Variants in GRM7 observed in about 807,000 individuals in gnomAD.
GRM7 encodes the protein metabotropic glutamate receptor 7.
A neutral mutation model predicts 84.5 loss-of-function variants in GRM7; 35 were observed. The observed-to-expected ratio is 0.41, with a 90% CI of 0.32 to 0.55. The LOEUF (loss-of-function observed/expected upper bound fraction) is 0.55, where lower values mean the gene tolerates loss of function less well. Ranked by LOEUF, GRM7 falls within the 20% of genes least tolerant of loss-of-function variation. The probability of loss-of-function intolerance (pLI) is 0.19; values close to 1 mark genes in which losing one functional copy is unlikely to be tolerated. For missense variants in GRM7, 1,003 were observed against 1,194.6 expected, an observed-to-expected ratio of 0.84 and a Z score of 2.36; for synonymous variants, 487 against 455.1, an observed-to-expected ratio of 1.07 and a Z score of -0.89.
chr3:7,255,102 A>G (rs933521491), intron 2 of GRM7, among the ~76,000 whole-genome samples: 2 of 152,190 alleles, frequency 1.3e-5, no homozygotes, highest in Admixed American at 1.3e-4. Context: ...TGTTCTTTAT[A>G]CAGGATCTAT....
At chr3:7,181,489 C>T (rs1395652640) in intron 2 of GRM7, among the ~76,000 whole-genome samples, 1 of 151,986 alleles carries the variant, frequency 6.6e-6, no homozygotes, top group South Asian at 2.1e-4. Flanking sequence ...TTAAAAATAG[C>T]AAAGAAGGCA....
At position 7,174,965 on chromosome 3, in the gene GRM7, G is replaced by A. The variant is rs149345433; in HGVS notation, c.736+28297G>A. Among the ~76,000 whole-genome samples the A allele has an allele frequency of 1.3e-3, 191 of 152,240 alleles. 1 individual carries two copies. Among genetic ancestry groups the A allele is most frequent in the African/African-American group, 4.4e-3 (184 of 41,550 alleles). On this transcript the variant is annotated intron_variant, in intron 2 of 9. Coordinates refer to ENST00000357716, the MANE Select transcript of GRM7 (RefSeq NM_000844.4). ...ATATAGACTGATTATGATGAATAAT[G>A]GTGTAATACATTAAATGTCCCAGCA...
chr3:7,242,194 G>A (rs1442645590), intron 2 of GRM7, among the ~76,000 whole-genome samples: 2 of 152,136 alleles, frequency 1.3e-5, no homozygotes, highest in African/African-American at 4.8e-5. Context: ...TCCTGTGACT[G>A]GCTAGAGTTA....
chr3:7,468,678 C>T (rs1291412915), intron 7 of GRM7, among the ~76,000 whole-genome samples: 1 of 152,120 alleles, frequency 6.6e-6, no homozygotes, highest in Non-Finnish European at 1.5e-5. Context: ...CTGTAATACC[C>T]ACATGTCAAG....
chr3:7,566,304 C>T (rs1284760967), intron 7 of GRM7, among the ~76,000 whole-genome samples: 1 of 151,918 alleles, frequency 6.6e-6, no homozygotes, highest in Non-Finnish European at 1.5e-5. Context: ...AGGTTTTGAC[C>T]CATAGGCCAG....
chr3:7,245,703 G>T (rs768211492), intron 2 of GRM7, among the ~76,000 whole-genome samples: 8 of 151,944 alleles, frequency 5.3e-5, no homozygotes, highest in Non-Finnish European at 1.0e-4. Context: ...TAAGGGAAAT[G>T]ATGCCTAATG....
intron 2 of GRM7, among the ~76,000 whole-genome samples, chr3:7,246,529 T>C (rs1178067222): frequency 6.6e-6 from 1 of 152,142 alleles, no homozygotes; most frequent in Non-Finnish European, 1.5e-5. Context: ...AGATGAAAAT[T>C]CCTGGATGGC....
At chr3:7,184,022 C>T (rs1003064086) in intron 2 of GRM7, among the ~76,000 whole-genome samples, 1 of 151,606 alleles carries the variant, frequency 6.6e-6, no homozygotes, top group South Asian at 2.1e-4. Flanking sequence ...GAAGATGCCA[C>T]TTAAAAAAGG....
chr3:7,431,693 A>G (rs1250459198), intron 5 of GRM7, among the ~76,000 whole-genome samples: 6 of 152,172 alleles, frequency 3.9e-5, no homozygotes, highest in Non-Finnish European at 8.8e-5. Flanking sequence ...TTATTTCATT[A>G]AGTGAGATAA....
At chr3:6,896,411 T>G (rs998783371) in intron 1 of GRM7, among the ~76,000 whole-genome samples, 2 of 152,186 alleles carry the variant, frequency 1.3e-5, no homozygotes, top group African/African-American at 2.4e-5. Context: ...AGGTGAAGTC[T>G]TAGGTCATTT....
intron 5 of GRM7, among the ~76,000 whole-genome samples, chr3:7,439,173 G>A (rs1177358641): frequency 6.6e-6 from 1 of 152,146 alleles, no homozygotes; most frequent in African/African-American, 2.4e-5. Flanking sequence ...GGTCTCTCAT[G>A]TTTCTGTACA....
At position 6,863,110 on chromosome 3, in the gene GRM7, C is replaced by A; in HGVS notation, c.519+1203C>A. On this transcript the variant is annotated intron_variant, in intron 1 of 9. Coordinates refer to ENST00000357716, the MANE Select transcript of GRM7 (RefSeq NM_000844.4). This position sits in a 1 kb window ranked among gnomAD's most constrained non-coding sequence, Gnocchi z 4.8. ...TATGTGCATCACTCTCTCTTTCTGT[C>A]TCTGTCTCCTTGCTGTTTTTTTTTT... 1 of 366,418 alleles carries A rather than the reference C, an allele frequency of 2.7e-6. No individual in the cohort carries two copies. Among genetic ancestry groups the A allele is most frequent in the Non-Finnish European group, 5.4e-6 (1 of 186,030 alleles). 22.7% of individuals were successfully genotyped at this position (366,418 alleles called of 1,614,324 possible).
intron 1 of GRM7, among the ~76,000 whole-genome samples, chr3:6,897,865 G>C (rs931630989): frequency 1.3e-5 from 2 of 152,178 alleles, no homozygotes; most frequent in Non-Finnish European, 2.9e-5. Context: ...ATCACTCTTG[G>C]TCTAGCAGGG....
intron 4 of GRM7, among the ~76,000 whole-genome samples, chr3:7,408,717 G>A (rs1253630145): frequency 2.0e-5 from 3 of 152,166 alleles, no homozygotes; most frequent in African/African-American, 4.8e-5. Context: ...GGCTACCTGC[G>A]GAACATGTCC....
At chr3:7,359,883 G>A (rs746155638) in intron 4 of GRM7, among the ~76,000 whole-genome samples, 1 of 148,126 alleles carries the variant, frequency 6.8e-6, no homozygotes, top group South Asian at 2.1e-4. Flanking sequence ...TTTAGGAATT[G>A]GGTCTCAAAC....
intron 5 of GRM7, among the ~76,000 whole-genome samples, chr3:7,429,655 C>T (rs541533507): frequency 1.8e-4 from 28 of 152,076 alleles, no homozygotes; most frequent in African/African-American, 6.0e-4. Context: ...GTAAAGTTCT[C>T]GGAGGTTTGT....
intron 7 of GRM7, among the ~76,000 whole-genome samples, chr3:7,550,573 CTCTCTGTGTGTGTGTGTGTGTGTGTG>C (rs1355918002): frequency 3.3e-5 from 2 of 60,632 alleles, no homozygotes; most frequent in Non-Finnish European, 7.2e-5. Context: ...CTCTCTCTCT[CTCTCTGTGTGTGTGTGTGTGTGTGTG>C]TGTGTGTGTG....
chr3:7,468,990 T>C (rs1476681081), intron 7 of GRM7, among the ~76,000 whole-genome samples: 6 of 152,198 alleles, frequency 3.9e-5, no homozygotes, highest in Non-Finnish European at 2.9e-5. Context: ...CCATAATTGC[T>C]CAAAACGTCA....
chr3:7,485,822 G>T (rs7642640), intron 7 of GRM7, among the ~76,000 whole-genome samples: 2,905 of 152,284 alleles, frequency 0.019, 58 homozygotes, highest in Admixed American at 0.024. Flanking sequence ...CTGCATGGAA[G>T]TTAATGGCAT....
Sources: gnomAD v4.1 joint callset for allele counts (sites outside exome capture counted in the v4.1 genomes callset) on GRCh38, gnomAD v4.1.1 for gene constraint, Gnocchi (gnomAD v3.1) non-coding constraint, MANE v1.5 for transcripts, NCBI Gene and HGNC (gene_info 2026-07-23, HGNC 2026-07-21) for gene names.